The following MRPS31 variants were observed in gnomAD, a reference collection of about 807,000 sequenced individuals.
MRPS31 encodes the protein small ribosomal subunit protein mS31.
A neutral mutation model predicts 43.1 loss-of-function variants in MRPS31; 32 were observed. That is an observed-to-expected ratio of 0.74 (90% CI 0.56 to 1.00). MRPS31 has a LOEUF of 1.00. Among genes scored for constraint, MRPS31 ranks in the 50% least tolerant of loss-of-function variants. MRPS31 has a pLI of 0.00. For synonymous variants in MRPS31, 165 were observed against 161.6 expected (o/e 1.02, Z -0.16); for missense variants, 437 against 466.7 (o/e 0.94, Z 0.59).
intron 2 of MRPS31, among the ~76,000 whole-genome samples, chr13:40,763,272 C>T (rs1467724548): frequency 6.6e-6 from 1 of 152,202 alleles, no homozygotes; most frequent in East Asian, 1.9e-4. Flanking sequence ...GGGTCTCCTT[C>T]TCAGTGGGAG....
chr13:40,747,136 T>C (rs1276927918), intron 6 of MRPS31, among the ~76,000 whole-genome samples: 2 of 152,066 alleles, frequency 1.3e-5, no homozygotes, highest in Non-Finnish European at 2.9e-5. Context: ...TGGAGTGCTG[T>C]GGCACGATCT....
rs751760079 is a variant in MRPS31 at position 40,729,435 on chromosome 13, C to G, written c.1125G>C (p.Trp375Cys). The stretch of plus-strand genomic sequence containing the variant: ...TTTTTTCATTAAAATAATTTCTAAA[C>G]CACTCTATGTGTTCAACCTTCTGTT... ...SVKQKVEHIE[W>C]FRNYFNEKKD... The change falls in exon 7 of 7, where the codon TGG (tryptophan) becomes TGC (cysteine). Residue 375 changes from tryptophan to cysteine, a missense_variant. Transcript: ENST00000323563. 1 of 1,598,732 alleles carries G rather than the reference C, an allele frequency of 6.3e-7. No individual in the cohort carries two copies. Among genetic ancestry groups the G allele is most frequent in the South Asian group, 1.1e-5 (1 of 90,464 alleles).
Position 40,759,094 on chromosome 13 carries a change from C to A in MRPS31, c.453G>T (p.Leu151=). The A allele has an allele frequency of 6.3e-7, 1 of 1,575,798 alleles. No individual in the cohort carries two copies. The change falls in exon 3 of 7, where the codon CTG becomes CTT. Residue 151 remains leucine, a synonymous_variant. Transcript: ENST00000323563. ...ATGCAGCTGCCACCAACTCAGGACTCAGGGGCTCAATTCTGAAAAAGAAAA... is the reference window on the plus strand; with the variant it reads ...ATGCAGCTGCCACCAACTCAGGACTAAGGGGCTCAATTCTGAAAAAGAAAA... ...EYAPKKRIEP[L]SPELVAAASA...
At chr13:40,754,184 T>C (rs572414014) in intron 4 of MRPS31, 92 bp from the exon 5 acceptor site, 2 of 709,752 alleles carry the variant, frequency 2.8e-6, no homozygotes, top group Non-Finnish European at 4.4e-6. Flanking sequence ...AAATATTCTA[T>C]GTAGAAATTA....
At chr13:40,762,449 C>A (rs945630250) in intron 2 of MRPS31, among the ~76,000 whole-genome samples, 1 of 138,798 alleles carries the variant, frequency 7.2e-6, no homozygotes, top group Admixed American at 7.3e-5. Context: ...CTCCAGCCCC[C>A]TCATTCTTTT....
At chr13:40,753,205 G>A (rs1880439840) in intron 5 of MRPS31, among the ~76,000 whole-genome samples, 1 of 152,136 alleles carries the variant, frequency 6.6e-6, no homozygotes, top group Non-Finnish European at 1.5e-5. Flanking sequence ...AACACTACAA[G>A]TCTGTTAAAT....
At chr13:40,752,575 TC>T (rs1880421041) in intron 5 of MRPS31, among the ~76,000 whole-genome samples, 1 of 152,186 alleles carries the variant, frequency 6.6e-6, no homozygotes, top group Admixed American at 6.5e-5. Context: ...GACACCTAGT[TC>T]CTATGATCTG....
intron 6 of MRPS31, among the ~76,000 whole-genome samples, chr13:40,742,761 C>T (rs2138000443): frequency 6.6e-6 from 1 of 152,248 alleles, no homozygotes; most frequent in Admixed American, 6.5e-5. Context: ...GTGTGATTAA[C>T]ATTCATCCTG....
chr13:40,729,730 A>ATTTT, intron 6 of MRPS31, 129 bp from the exon 7 acceptor site: 3 of 525,492 alleles, frequency 5.7e-6, no homozygotes, highest in East Asian at 3.3e-5. Flanking sequence ...CCTAGGTTGC[A>ATTTT]TTTTTTTTTT....
chr13:40,750,771 T>C (rs1305418498), intron 5 of MRPS31, among the ~76,000 whole-genome samples: 1 of 141,002 alleles, frequency 7.1e-6, no homozygotes, highest in Non-Finnish European at 1.5e-5. Flanking sequence ...TATATATATA[T>C]ATTACATATA....
At chr13:40,743,176 A>C (rs1198338637) in intron 6 of MRPS31, among the ~76,000 whole-genome samples, 1 of 152,070 alleles carries the variant, frequency 6.6e-6, no homozygotes, top group Non-Finnish European at 1.5e-5. Context: ...TTAGCTGGGC[A>C]TGGTGGCAGG....
intron 1 of MRPS31, among the ~76,000 whole-genome samples, chr13:40,770,149 A>G (rs1293388122): frequency 2.0e-5 from 3 of 152,146 alleles, no homozygotes; most frequent in Non-Finnish European, 4.4e-5. Flanking sequence ...CTACCCTACC[A>G]TTATCCCATG....
intron 6 of MRPS31, among the ~76,000 whole-genome samples, chr13:40,743,954 T>A (rs1478814175): frequency 6.6e-6 from 1 of 152,072 alleles, no homozygotes; most frequent in African/African-American, 2.4e-5. Context: ...TCAACCTAGG[T>A]GCACATGAAT....
intron 2 of MRPS31, among the ~76,000 whole-genome samples, chr13:40,764,987 T>A (rs923139972): frequency 6.6e-6 from 1 of 152,214 alleles, no homozygotes; most frequent in South Asian, 2.1e-4. Flanking sequence ...AAGCAGTCTA[T>A]GTATGAAGCA....
intron 6 of MRPS31, among the ~76,000 whole-genome samples, chr13:40,735,139 G>A (rs1320248564): frequency 6.6e-6 from 1 of 152,334 alleles, no homozygotes; most frequent in Non-Finnish European, 1.5e-5. Context: ...AGGGGTCAGG[G>A]AGTTACCTTT....
intron 6 of MRPS31, among the ~76,000 whole-genome samples, chr13:40,734,299 G>C (rs1879807623): frequency 6.6e-6 from 1 of 152,114 alleles, no homozygotes; most frequent in Non-Finnish European, 1.5e-5. Flanking sequence ...CAAAAAGAAA[G>C]GGTATCCAAC....
At chr13:40,760,964 TAGAAGAAAAAG>T (rs2138014674) in intron 2 of MRPS31, among the ~76,000 whole-genome samples, 1 of 152,030 alleles carries the variant, frequency 6.6e-6, no homozygotes, top group South Asian at 2.1e-4. Flanking sequence ...CTGATAGGAA[TAGAAGAAAAAG>T]AGAAGAATTA....
chr13:40,736,931 A>C (rs1339665573), intron 6 of MRPS31, among the ~76,000 whole-genome samples: 36 of 149,982 alleles, frequency 2.4e-4, no homozygotes, highest in African/African-American at 7.7e-4. Flanking sequence ...ACACATAACA[A>C]TATTAACCTT....
At position 40,739,471 on chromosome 13, in the gene MRPS31, A is replaced by G. The variant is rs1353402539; in HGVS notation, c.958+9667T>C. The stretch of plus-strand genomic sequence containing the variant: ...TTCATATGGAACCAAAAAAGAGCCC[A>G]CATCGCCAAGTCAATTCTAAGCCAA... On this transcript the variant is annotated intron_variant, in intron 6 of 6. Coordinates refer to ENST00000323563, the MANE Select transcript of MRPS31 (RefSeq NM_005830.4). Among the ~76,000 whole-genome samples, 15 of 152,268 alleles carry G rather than the reference A, an allele frequency of 9.9e-5. No individual in the cohort carries two copies. The South Asian group carries it at 2.1e-3, about 21-fold the overall frequency.
Sources: allele counts gnomAD v4.1 joint callset (sites outside exome capture counted in the v4.1 genomes callset), GRCh38; gene constraint gnomAD v4.1.1; transcripts MANE v1.5; gene names NCBI Gene and HGNC (gene_info 2026-07-23, HGNC 2026-07-21).